Variants in CENPW observed in about 807,000 individuals in gnomAD.
CENPW encodes centromere protein W, also known as cancer-up-regulated gene 2 protein.
In CENPW, 3 loss-of-function variants were observed where a neutral mutation model predicts 11.1. The ratio of observed to expected loss-of-function variants is 0.27; its 90% CI spans 0.12 to 0.70. The LOEUF (loss-of-function observed/expected upper bound fraction) is 0.70. Ranked by LOEUF, CENPW falls within the 30% of genes least tolerant of loss-of-function variation. CENPW has a pLI of 0.77. For synonymous variants in CENPW, 38 were observed against 42.0 expected, an observed-to-expected ratio of 0.91 and a Z score of 0.37; for missense variants, 100 against 105.6, an observed-to-expected ratio of 0.95 and a Z score of 0.23.
At chr6:126,402,856 T>C in the CENPW span, among the ~76,000 whole-genome samples, 2 of 152,096 alleles carry the variant, frequency 1.3e-5, no homozygotes, top group Non-Finnish European at 2.9e-5. Flanking sequence ...TTATTGTGCT[T>C]CACTTTATTG....
chr6:126,473,291 T>C, the CENPW span, among the ~76,000 whole-genome samples: 2 of 152,188 alleles, frequency 1.3e-5, no homozygotes, highest in Non-Finnish European at 1.5e-5. Context: ...GGAATGAGAT[T>C]GCTGGATTGC....
chr6:126,341,181 A>G (rs1049854985), intron 1 of CENPW, among the ~76,000 whole-genome samples: 1 of 152,216 alleles, frequency 6.6e-6, no homozygotes, highest in African/African-American at 2.4e-5. Flanking sequence ...TGTGTGTTGA[A>G]TACCTGGAAC....
chr6:126,463,300 A>G, the CENPW span, among the ~76,000 whole-genome samples: 6 of 152,044 alleles, frequency 3.9e-5, no homozygotes, highest in Admixed American at 1.3e-4. Context: ...GAAAAATATA[A>G]GTATCTTTTT....
the CENPW span, among the ~76,000 whole-genome samples, chr6:126,468,591 A>G: frequency 1.3e-5 from 2 of 152,124 alleles, no homozygotes; most frequent in East Asian, 1.9e-4. Context: ...ATATAATATA[A>G]TAAAAATACC....
the CENPW span, among the ~76,000 whole-genome samples, chr6:126,361,838 C>T: frequency 1.3e-5 from 2 of 152,122 alleles, no homozygotes; most frequent in Non-Finnish European, 1.5e-5. Context: ...ACATCTTGTC[C>T]CTCTTACTGC....
At chr6:126,466,159 G>C in the CENPW span, among the ~76,000 whole-genome samples, 1 of 151,928 alleles carries the variant, frequency 6.6e-6, no homozygotes, top group African/African-American at 2.4e-5. Flanking sequence ...AAATCATTAA[G>C]GTACGTAAAT....
At chr6:126,349,498 G>A (rs1277237859), downstream of CENPW, among the ~76,000 whole-genome samples, 6 of 152,090 alleles carry the variant, frequency 3.9e-5, no homozygotes, top group Admixed American at 1.3e-4. Context: ...ACTATTCTCC[G>A]TCTAAAGTCT....
At chr6:126,424,359 T>C in the CENPW span, among the ~76,000 whole-genome samples, 1,109 of 152,272 alleles carry the variant, frequency 7.3e-3, 12 homozygotes, top group African/African-American at 0.025. Context: ...TAGTATGATA[T>C]ACTAAATTAC....
chr6:126,479,356 G>T, the CENPW span, among the ~76,000 whole-genome samples: 3 of 151,878 alleles, frequency 2.0e-5, no homozygotes, highest in Admixed American at 2.0e-4. Flanking sequence ...CCTACTTGCT[G>T]TACATCACCT....
chr6:126,378,124 A>C, the CENPW span, among the ~76,000 whole-genome samples: 1 of 152,286 alleles, frequency 6.6e-6, no homozygotes, highest in African/African-American at 2.4e-5. Context: ...AAGAAAACAG[A>C]AACTTAACTT....
At chr6:126,435,674 T>A in the CENPW span, among the ~76,000 whole-genome samples, 1 of 151,898 alleles carries the variant, frequency 6.6e-6, no homozygotes, top group Non-Finnish European at 1.5e-5. Flanking sequence ...AGATAACCAT[T>A]ATTATTCCAA....
At chr6:126,440,305 A>G in the CENPW span, among the ~76,000 whole-genome samples, 1 of 151,638 alleles carries the variant, frequency 6.6e-6, no homozygotes. Context: ...ATAAGCAATG[A>G]ACACTGAACT....
chr6:126,425,745 C>A, the CENPW span, among the ~76,000 whole-genome samples: 7 of 151,438 alleles, frequency 4.6e-5, no homozygotes, highest in African/African-American at 1.7e-4. Flanking sequence ...ATCATCTGTA[C>A]ACTAGTTCTT....
chr6:126,369,991 G>A, the CENPW span, among the ~76,000 whole-genome samples: 2 of 152,104 alleles, frequency 1.3e-5, no homozygotes, highest in African/African-American at 4.8e-5. Flanking sequence ...TCTACCTGTG[G>A]CTTGCCAATT....
chr6:126,418,063 T>C, the CENPW span, among the ~76,000 whole-genome samples: 1 of 152,144 alleles, frequency 6.6e-6, no homozygotes, highest in East Asian at 1.9e-4. Context: ...TCATGCCCAG[T>C]AGGATAGCTG....
At chr6:126,431,678 C>T in the CENPW span, among the ~76,000 whole-genome samples, 55 of 152,294 alleles carry the variant, frequency 3.6e-4, no homozygotes, top group African/African-American at 1.2e-3. Flanking sequence ...TAATCTACTT[C>T]TAGTCCTAGC....
chr6:126,428,751 A>T, the CENPW span, among the ~76,000 whole-genome samples: 2,806 of 152,262 alleles, frequency 0.018, 87 homozygotes, highest in African/African-American at 0.064. Context: ...TTTGCTCTTG[A>T]TCCAATGTAG....
At chr6:126,346,100 A>G (rs188603014) in intron 1 of CENPW, 105 bp from the exon 2 acceptor site, 554 of 535,148 alleles carry the variant, frequency 1.0e-3, no homozygotes, top group Admixed American at 2.5e-3. Context: ...CTTAATCACA[A>G]TGGTAAATAG....
At chr6:126,442,146 T>G in the CENPW span, among the ~76,000 whole-genome samples, 6 of 151,646 alleles carry the variant, frequency 4.0e-5, no homozygotes, top group African/African-American at 9.7e-5. Context: ...ATGGCCACTC[T>G]TGCAGGAGTA....
Sources: allele counts gnomAD v4.1 joint callset (sites outside exome capture counted in the v4.1 genomes callset), GRCh38; gene constraint gnomAD v4.1.1; transcripts MANE v1.5; gene names NCBI Gene and HGNC (gene_info 2026-07-23, HGNC 2026-07-21).